Variants in ZFHX3 observed in about 807,000 individuals in gnomAD.
ZFHX3 encodes zinc finger homeobox 3, also known as zinc finger homeobox protein 3.
Under a neutral mutation model 279.1 loss-of-function variants are expected in ZFHX3, and 42 were observed. The observed-to-expected ratio is 0.15, with a 90% CI of 0.12 to 0.19. The LOEUF (loss-of-function observed/expected upper bound fraction) is 0.19, where lower values mean the gene tolerates loss of function less well. Among genes scored for constraint, ZFHX3 ranks in the 10% least tolerant of loss-of-function variants. The pLI is 1.00. For missense variants in ZFHX3, 4,981 were observed against 4,754.0 expected, an observed-to-expected ratio of 1.05 and a Z score of -1.40; for synonymous variants, 2,293 against 1,957.8, an observed-to-expected ratio of 1.17 and a Z score of -4.52.
At position 72,889,760 on chromosome 16, in the gene ZFHX3, G is replaced by C; in HGVS notation, c.3419C>G (p.Thr1140Ser). The C allele has an allele frequency of 6.2e-7, 1 of 1,612,812 alleles. No homozygotes were observed. The highest frequency in any genetic ancestry group is 8.5e-7 in the Non-Finnish European group (1 of 1,180,014). Reference sequence around the variant, plus strand: ...GTCCGTGGAGGGGCACCTGCGGATGGTGAAGATCTGCCCCAGGTCCTCGTC... The same window carrying C: ...GTCCGTGGAGGGGCACCTGCGGATGCTGAAGATCTGCCCCAGGTCCTCGTC... Reference protein sequence around the residue: ...EEDEDLGQIFTIRRCPSTDPE... With the variant: ...EEDEDLGQIFSIRRCPSTDPE... Residue 1140 changes from threonine (T) to serine (S), a missense_variant, in exon 4 of 10, where the codon ACC (threonine) becomes AGC (serine). Coordinates refer to ENST00000268489, the MANE Select transcript of ZFHX3 (RefSeq NM_006885.4).
At chr16:73,775,161 T>C (rs1372429300) in intron 1 of ZFHX3, among the ~76,000 whole-genome samples, 8 of 152,220 alleles carry the variant, frequency 5.3e-5, no homozygotes, top group Admixed American at 5.2e-4. Flanking sequence ...CCGTTGAGAA[T>C]ATCCTTCTCA....
intron 3 of ZFHX3, among the ~76,000 whole-genome samples, chr16:72,904,588 T>C (rs1243895646): frequency 6.6e-6 from 1 of 152,012 alleles, no homozygotes; most frequent in Non-Finnish European, 1.5e-5. Flanking sequence ...ATTAGACTTG[T>C]GTCAGTTCCC....
intron 3 of ZFHX3, among the ~76,000 whole-genome samples, chr16:73,364,813 C>T (rs1454141030): frequency 6.6e-6 from 1 of 152,120 alleles, no homozygotes; most frequent in African/African-American, 2.4e-5. Flanking sequence ...GGCATTTTTC[C>T]ATTCATGGGA....
intron 1 of ZFHX3, among the ~76,000 whole-genome samples, chr16:73,026,584 C>A (rs1964508919): frequency 6.9e-6 from 1 of 145,422 alleles, no homozygotes; most frequent in Non-Finnish European, 1.5e-5. Flanking sequence ...GGCAGGAGAA[C>A]TACTTGAACC....
intron 4 of ZFHX3, among the ~76,000 whole-genome samples, chr16:72,859,783 T>C (rs909949128): frequency 2.0e-5 from 3 of 151,976 alleles, no homozygotes; most frequent in African/African-American, 7.3e-5. Flanking sequence ...AACAGCTGGG[T>C]TGTGGTCACT....
intron 2 of ZFHX3, among the ~76,000 whole-genome samples, chr16:73,515,817 T>G (rs986691093): frequency 6.6e-6 from 1 of 152,210 alleles, no homozygotes; most frequent in Non-Finnish European, 1.5e-5. Context: ...TTTGATCATC[T>G]GACCAGCTGT....
At chr16:72,907,313 C>G (rs1461711576) in intron 3 of ZFHX3, among the ~76,000 whole-genome samples, 1 of 152,106 alleles carries the variant, frequency 6.6e-6, no homozygotes, top group Admixed American at 6.5e-5. Context: ...GGCTTTGATT[C>G]ATTCATTCAT....
At chr16:73,430,611 T>C (rs2017893386) in intron 3 of ZFHX3, among the ~76,000 whole-genome samples, 1 of 152,182 alleles carries the variant, frequency 6.6e-6, no homozygotes, top group African/African-American at 2.4e-5. Context: ...CAAGAAGCAT[T>C]GGGTTGGAGC....
intron 7 of ZFHX3, among the ~76,000 whole-genome samples, chr16:73,101,478 G>A (rs1233235299): frequency 2.6e-5 from 4 of 152,122 alleles, no homozygotes; most frequent in African/African-American, 7.2e-5. Context: ...TCCCTGGTTC[G>A]AGCAATTCTC....
intron 3 of ZFHX3, among the ~76,000 whole-genome samples, chr16:72,927,274 T>C (rs1195229989): frequency 6.6e-6 from 1 of 152,212 alleles, no homozygotes; most frequent in Non-Finnish European, 1.5e-5. Context: ...ATGAGTCTTC[T>C]CCCTGTGTCA....
chr16:73,692,845 A>G (rs1265631480), intron 1 of ZFHX3, among the ~76,000 whole-genome samples: 1 of 152,210 alleles, frequency 6.6e-6, no homozygotes, highest in Non-Finnish European at 1.5e-5. Flanking sequence ...TTAACATCCA[A>G]TCAAGGCAGA....
chr16:73,459,033 A>C (rs1048015319), intron 2 of ZFHX3, among the ~76,000 whole-genome samples: 2 of 152,174 alleles, frequency 1.3e-5, no homozygotes, highest in East Asian at 3.9e-4. Context: ...TGCCCTGTTT[A>C]TGGGTATCAG....
chr16:72,916,276 T>C (rs573806411), intron 3 of ZFHX3, among the ~76,000 whole-genome samples: 132 of 152,332 alleles, frequency 8.7e-4, no homozygotes, highest in Non-Finnish European at 1.7e-3. Flanking sequence ...TAATGACATT[T>C]GATTTTGTAT....
At chr16:72,936,870 C>T (rs1280614460) in intron 3 of ZFHX3, among the ~76,000 whole-genome samples, 1 of 151,390 alleles carries the variant, frequency 6.6e-6, no homozygotes, top group Non-Finnish European at 1.5e-5. Context: ...AGAGTAGAGG[C>T]GGGGGAGAGT....
chr16:72,986,472 T>C (rs1163946996), intron 1 of ZFHX3, among the ~76,000 whole-genome samples: 1 of 152,196 alleles, frequency 6.6e-6, no homozygotes, highest in African/African-American at 2.4e-5. Flanking sequence ...GTAGAATGCA[T>C]TTCCGCCAAC....
chr16:73,717,830 C>G (rs144080826), intron 1 of ZFHX3, among the ~76,000 whole-genome samples: 1 of 152,102 alleles, frequency 6.6e-6, no homozygotes, highest in South Asian at 2.1e-4. Flanking sequence ...GTTCCAGAGG[C>G]GGACATTGTG....
At chr16:73,140,476 CG>C (rs1567400162) in intron 6 of ZFHX3, among the ~76,000 whole-genome samples, 1 of 152,052 alleles carries the variant, frequency 6.6e-6, no homozygotes, top group East Asian at 1.9e-4. Context: ...GTCTGGAGTT[CG>C]GGTTAAAGGT....
intron 1 of ZFHX3, among the ~76,000 whole-genome samples, chr16:72,990,573 C>T (rs1567621603): frequency 1.3e-5 from 2 of 152,124 alleles, no homozygotes; most frequent in Admixed American, 1.3e-4. Context: ...AGGGATCCAC[C>T]CTGGAGGAGC....
chr16:73,202,009 GA>G (rs1399502537), intron 5 of ZFHX3, among the ~76,000 whole-genome samples: 1 of 152,122 alleles, frequency 6.6e-6, no homozygotes, highest in African/African-American at 2.4e-5. Context: ...AAAATTCCCA[GA>G]AAACACCAAG....
Sources: gnomAD v4.1 joint callset for allele counts (sites outside exome capture counted in the v4.1 genomes callset) on GRCh38, gnomAD v4.1.1 for gene constraint, MANE v1.5 for transcripts, NCBI Gene and HGNC (gene_info 2026-07-23, HGNC 2026-07-21) for gene names.